EXD2: variants seen among roughly 807,000 people sequenced by gnomAD.
EXD2 encodes the protein exonuclease 3'-5' domain-containing protein 2.
Under a neutral mutation model 62.5 loss-of-function variants are expected in EXD2, and 40 were observed. The ratio of observed to expected loss-of-function variants is 0.64; its 90% CI spans 0.50 to 0.83. The LOEUF is 0.83. Ranked by LOEUF, EXD2 falls within the 40% of genes least tolerant of loss-of-function variation. EXD2 has a pLI of 0.00. For missense variants in EXD2, 671 were observed against 761.8 expected, an observed-to-expected ratio of 0.88 and a Z score of 1.40; for synonymous variants, 239 against 291.9, an observed-to-expected ratio of 0.82 and a Z score of 1.85.
chr14:69,225,557 T>C (rs1462897816), intron 3 of EXD2, among the ~76,000 whole-genome samples: 1 of 152,204 alleles, frequency 6.6e-6, no homozygotes, highest in Admixed American at 6.5e-5. Flanking sequence ...TATAAATATA[T>C]ATAGTATATG....
intron 3 of EXD2, among the ~76,000 whole-genome samples, chr14:69,218,842 G>T (rs1015116583): frequency 2.6e-5 from 4 of 152,000 alleles, no homozygotes; most frequent in South Asian, 2.1e-4. Flanking sequence ...ATTTTTGAGC[G>T]CTCTGTTCCG....
In EXD2 at chr14:69,228,861, G is replaced by A. The variant is rs992474661; in HGVS notation, c.379G>A (p.Ala127Thr). ...CAGCCCTCTGTCACTTCTACAAATGGCCTCCCCAAGTGGCCTGTGTGTCTT... is the reference window on the plus strand; with the variant it reads ...CAGCCCTCTGTCACTTCTACAAATGACCTCCCCAAGTGGCCTGTGTGTCTT... Reference protein sequence around the residue: ...KASPLSLLQMASPSGLCVLVR... With the variant: ...KASPLSLLQMTSPSGLCVLVR... Residue 127 changes from alanine (A) to threonine (T), a missense_variant, in exon 4 of 10, where the codon GCC becomes ACC. Transcript: ENST00000685843. The A allele has an allele frequency of 1.2e-6, 2 of 1,614,128 alleles. No individual in the cohort carries two copies. The highest frequency in any genetic ancestry group is 1.7e-6 in the Non-Finnish European group (2 of 1,180,022).
At chr14:69,234,457 C>G (rs1180407785) in intron 5 of EXD2, among the ~76,000 whole-genome samples, 1 of 152,104 alleles carries the variant, frequency 6.6e-6, no homozygotes, top group Non-Finnish European at 1.5e-5. Context: ...TAGAGTAAGT[C>G]ATTATTTTAG....
intron 1 of EXD2, among the ~76,000 whole-genome samples, chr14:69,195,547 A>G (rs1020619423): frequency 6.6e-6 from 1 of 152,176 alleles, no homozygotes; most frequent in South Asian, 2.1e-4. Flanking sequence ...ACACCATACA[A>G]TTCTTCAAAG....
chr14:69,215,293 AATAT>A (rs1181357825), intron 3 of EXD2, among the ~76,000 whole-genome samples: 6 of 71,748 alleles, frequency 8.4e-5, no homozygotes, highest in Admixed American at 2.0e-4. Flanking sequence ...CCATCTCAAA[AATAT>A]ATGTGTGTGT....
intron 3 of EXD2, among the ~76,000 whole-genome samples, chr14:69,217,073 G>C (rs1221022623): frequency 2.6e-5 from 4 of 151,994 alleles, no homozygotes. Context: ...ATTTTTTAGA[G>C]ACATGTTCTC....
At chr14:69,233,040 G>T (rs2043641067) in intron 5 of EXD2, among the ~76,000 whole-genome samples, 1 of 152,142 alleles carries the variant, frequency 6.6e-6, no homozygotes, top group African/African-American at 2.4e-5. Flanking sequence ...GATCCATTTT[G>T]AGTTAATTTT....
At position 69,244,005 on chromosome 14, in the gene EXD2, T is replaced by G. The variant is rs1051036841; in HGVS notation, c.*2905T>G. ...TAAAAAAAAGGTAAAAAAATAAAATTTTAAATTTTAAAATATAGGCTGTAG... is the reference window on the plus strand; with the variant it reads ...TAAAAAAAAGGTAAAAAAATAAAATGTTAAATTTTAAAATATAGGCTGTAG... On this transcript the variant is annotated 3_prime_UTR_variant, in exon 10 of 10. Transcript: ENST00000685843. The G allele has an allele frequency of 2.6e-5, 4 of 152,198 alleles. No individual in the cohort carries two copies. Among genetic ancestry groups the G allele is most frequent in the African/African-American group, 9.7e-5 (4 of 41,436 alleles). 9.4% of individuals were successfully genotyped at this position (152,198 alleles called of 1,614,324 possible). A position where few individuals can be genotyped will look rare whatever the true frequency, so the allele number is the denominator to read the frequency against.
chr14:69,224,552 C>T (rs1171235783), intron 3 of EXD2, among the ~76,000 whole-genome samples: 2 of 152,212 alleles, frequency 1.3e-5, no homozygotes, highest in South Asian at 2.1e-4. Context: ...TATTGCAAAT[C>T]TTCCCTTGAC....
chr14:69,202,575 G>T (rs552612614), intron 1 of EXD2, among the ~76,000 whole-genome samples: 7 of 152,154 alleles, frequency 4.6e-5, no homozygotes, highest in Admixed American at 1.3e-4. Flanking sequence ...GGGTCTATCA[G>T]TGTCTGACTT....
chr14:69,221,329 C>T (rs150566748), intron 3 of EXD2, among the ~76,000 whole-genome samples: 2,016 of 152,186 alleles, frequency 0.013, 41 homozygotes, highest in African/African-American at 0.047. Flanking sequence ...TGGAGTTCTC[C>T]TTTAAGGGAA....
In EXD2 at chr14:69,237,642, G is replaced by A. The variant is rs971890009; in HGVS notation, c.1360G>A (p.Asp454Asn). The A allele has an allele frequency of 1.2e-6, 2 of 1,614,232 alleles. No homozygotes were observed. The highest frequency in any genetic ancestry group is 1.3e-5 in the African/African-American group (1 of 75,058). The change falls in exon 9 of 10, where the codon GAT (aspartate) becomes AAT (asparagine). Residue 454 changes from aspartate to asparagine, a missense_variant. Asp to Asn is a conservative substitution (Grantham distance 23). Coordinates refer to ENST00000685843, the MANE Select transcript of EXD2 (RefSeq NM_001193360.2). The part of the protein sequence containing the change: ...PIEMKDHNSH[D>N]VLLLCTSCHA... Reference sequence around the variant, plus strand: ...CGAGATGAAGGACCACAACTCCCACGATGTGCTGCTGCTCTGCACCTCCTG... The same window carrying A: ...CGAGATGAAGGACCACAACTCCCACAATGTGCTGCTGCTCTGCACCTCCTG...
At chr14:69,224,957 A>G (rs916817869) in intron 3 of EXD2, among the ~76,000 whole-genome samples, 2 of 152,166 alleles carry the variant, frequency 1.3e-5, no homozygotes, top group Admixed American at 1.3e-4. Flanking sequence ...CCAGCCTGGC[A>G]ACAGAGACTC....
At chr14:69,209,845 AC>A in intron 3 of EXD2, 42 bp downstream of exon 3, 1 of 1,338,438 alleles carries the variant, frequency 7.5e-7, no homozygotes, top group Non-Finnish European at 9.9e-7. Flanking sequence ...AAAAAAAACA[AC>A]TTCTGCTTTT....
rs1332077802 is a variant in EXD2, at chr14:69,241,429, TA to T, written c.*337del. 39 of 283,778 alleles carry T rather than the reference TA, an allele frequency of 1.4e-4. No homozygotes were observed. The highest frequency in any genetic ancestry group is 2.2e-4 in the South Asian group (2 of 9,186). 17.6% of individuals were successfully genotyped at this position (283,778 alleles called of 1,614,324 possible). The stretch of plus-strand genomic sequence containing the variant: ...CTCCCAGAAGTGACTTGTCAAGACT[TA>T]AAAAAAATGTTTTTAATGCATTTCT... On this transcript the variant is annotated 3_prime_UTR_variant, in exon 10 of 10. Coordinates refer to ENST00000685843, the MANE Select transcript of EXD2 (RefSeq NM_001193360.2).
intron 3 of EXD2, among the ~76,000 whole-genome samples, chr14:69,227,066 A>G (rs145641162): frequency 6.6e-6 from 1 of 152,324 alleles, no homozygotes; most frequent in Non-Finnish European, 1.5e-5. Context: ...GTACAGTAGC[A>G]AGAGGACCAC....
At chr14:69,215,547 T>C (rs1230698064) in intron 3 of EXD2, among the ~76,000 whole-genome samples, 1 of 152,206 alleles carries the variant, frequency 6.6e-6, no homozygotes, top group African/African-American at 2.4e-5. Flanking sequence ...AGCATATGAC[T>C]GATTCCATTG....
chr14:69,193,315 T>A (rs951506658), intron 1 of EXD2, among the ~76,000 whole-genome samples: 5 of 152,212 alleles, frequency 3.3e-5, no homozygotes, highest in African/African-American at 1.2e-4. Flanking sequence ...TGCCTTGGCC[T>A]CCCGAAGTGA....
chr14:69,201,178 G>T (rs1346108788), intron 1 of EXD2, among the ~76,000 whole-genome samples: 1 of 151,358 alleles, frequency 6.6e-6, no homozygotes, highest in Non-Finnish European at 1.5e-5. Flanking sequence ...TACATCTTAC[G>T]TTGGTTTTTT....
Sources: gnomAD v4.1 joint callset for allele counts (sites outside exome capture counted in the v4.1 genomes callset) on GRCh38, gnomAD v4.1.1 for gene constraint, MANE v1.5 for transcripts, NCBI Gene and HGNC (gene_info 2026-07-23, HGNC 2026-07-21) for gene names.